The following PIEZO2 variants were observed in gnomAD, a reference collection of about 807,000 sequenced individuals.
The protein encoded by PIEZO2 is piezo-type mechanosensitive ion channel component 2.
In PIEZO2, 172 loss-of-function variants were observed where a neutral mutation model predicts 337.3. That is an observed-to-expected ratio of 0.51 (90% CI 0.45 to 0.58). The LOEUF (loss-of-function observed/expected upper bound fraction) is 0.58. PIEZO2 is among the 20% of genes least tolerant of loss of function. The pLI is 0.00. For synonymous variants in PIEZO2, 1,251 were observed against 1,228.5 expected, an observed-to-expected ratio of 1.02 and a Z score of -0.38; for missense variants, 3,028 against 3,391.3, an observed-to-expected ratio of 0.89 and a Z score of 2.66.
At chr18:10,948,874 T>A (rs964442293) in intron 3 of PIEZO2, among the ~76,000 whole-genome samples, 8 of 152,206 alleles carry the variant, frequency 5.3e-5, no homozygotes, top group African/African-American at 1.7e-4. Context: ...TATAGATACA[T>A]ACAGATGCAT....
At chr18:11,041,357 AAAC>A (rs1398214253) in intron 2 of PIEZO2, among the ~76,000 whole-genome samples, 1 of 152,232 alleles carries the variant, frequency 6.6e-6, no homozygotes, top group Non-Finnish European at 1.5e-5. Flanking sequence ...AAGAGAAATT[AAAC>A]ACCGAGCTCA....
chr18:10,915,942 TG>T (rs2030910004), intron 3 of PIEZO2, among the ~76,000 whole-genome samples: 1 of 1,248 alleles, frequency 8.0e-4, no homozygotes, highest in African/African-American at 5.2e-3. Context: ...GAGTGCTGAT[TG>T]GTGCATTTAC....
At chr18:11,037,096 C>G (rs1048390401) in intron 2 of PIEZO2, among the ~76,000 whole-genome samples, 1 of 152,182 alleles carries the variant, frequency 6.6e-6, no homozygotes, top group Non-Finnish European at 1.5e-5. Context: ...TCCTGAGTAG[C>G]TGGGATTACA....
chr18:10,793,091 T>TAA (rs201114877), intron 13 of PIEZO2, among the ~76,000 whole-genome samples: 3 of 151,720 alleles, frequency 2.0e-5, no homozygotes, highest in Admixed American at 6.6e-5. Context: ...CCGTCTCTGC[T>TAA]AAAAAAAATA....
rs181018999 is a variant in PIEZO2, at chr18:10,725,365, C to A, written c.5029+6042G>T. The A allele has an allele frequency of 2.5e-3, 3,970 of 1,605,596 alleles. 24 individuals carry two copies. Among genetic ancestry groups the A allele is most frequent in the Non-Finnish European group, 2.5e-3 (2,953 of 1,174,122 alleles). On this transcript the variant is annotated intron_variant, in intron 36 of 55. Coordinates refer to ENST00000674853, the MANE Select transcript of PIEZO2 (RefSeq NM_001378183.1). The stretch of plus-strand genomic sequence containing the variant: ...CTGAGTGAAGACCTGCTGTCCCAGG[C>A]GGTGATGATGGTGGAGAACAGCCGG...
Position 10,801,555 on chromosome 18 carries a change from T to C in PIEZO2, c.1201-127A>G, listed in dbSNP as rs2039816230. On this transcript the variant is annotated intron_variant, in intron 9 of 55. Transcript: ENST00000674853. ...AACTTGCTGATTGCTAGTATATTAA[T>C]ATTGCCATGCAAAATATAAAAGGAC... The C allele has an allele frequency of 5.1e-6, 4 of 784,956 alleles. No individual in the cohort carries two copies. In the Admixed American group the frequency reaches 7.9e-5, roughly 15 times the overall value. 48.6% of individuals were successfully genotyped at this position (784,956 alleles called of 1,614,324 possible).
Position 10,748,493 on chromosome 18 carries a change from CT to C in PIEZO2, c.4401del (p.Ala1468LeufsTer18), listed in dbSNP as rs1307911663. The C allele has an allele frequency of 6.5e-7, 1 of 1,537,002 alleles. No homozygotes were observed. Among genetic ancestry groups the C allele is most frequent in the South Asian group, 1.2e-5 (1 of 83,986 alleles). ...YYFLHVVADI[K>X]ASQILASRGA... is the part of the protein sequence containing the mutation. ...CACCTTGATGCCAGAATCTGGGAAG[CT>C]TTTATATCAGCCACAACATGTAGAA... is the stretch of plus-strand genomic sequence containing the variant. On this transcript the variant is annotated frameshift_variant, in exon 30 of 56. Coordinates refer to ENST00000674853, the MANE Select transcript of PIEZO2 (RefSeq NM_001378183.1). LOFTEE classifies it high-confidence loss of function. The surrounding 1 kb of genome is among the most constrained non-coding windows in gnomAD (Gnocchi z 5.1).
At chr18:11,053,158 A>C (rs2037591040) in intron 2 of PIEZO2, among the ~76,000 whole-genome samples, 2 of 152,168 alleles carry the variant, frequency 1.3e-5, no homozygotes, top group Admixed American at 6.5e-5. Context: ...TAAATTAATA[A>C]ATTCATGTAA....
At chr18:10,914,532 G>C (rs1261862655) in intron 3 of PIEZO2, among the ~76,000 whole-genome samples, 1 of 152,054 alleles carries the variant, frequency 6.6e-6, no homozygotes, top group Non-Finnish European at 1.5e-5. Flanking sequence ...TATGTAAATA[G>C]TTGTTATATT....
At position 10,713,844 on chromosome 18, in the gene PIEZO2, A is replaced by AT. The variant is rs1204294650; in HGVS notation, c.5423+919dup. Among the ~76,000 whole-genome samples the AT allele has an allele frequency of 6.6e-6, 1 of 152,168 alleles. No homozygotes were observed. The highest frequency in any genetic ancestry group is 1.5e-5 in the Non-Finnish European group (1 of 68,034). On this transcript the variant is annotated intron_variant, in intron 39 of 55. Transcript: ENST00000674853. This position sits in a 1 kb window ranked among gnomAD's most constrained non-coding sequence, Gnocchi z 4.5. ...TCTAGCGCTTCACCCTAACAAGGCG[A>AT]TTTTTCCTCCTAAGACAGGGACTTC...
At chr18:10,826,800 C>T (rs553940848) in intron 7 of PIEZO2, among the ~76,000 whole-genome samples, 20 of 152,202 alleles carry the variant, frequency 1.3e-4, no homozygotes, top group Non-Finnish European at 2.5e-4. Context: ...TTCACCACTA[C>T]GGTACCATAC....
rs147478074 is a variant in PIEZO2, at chr18:11,100,817, G to A, written c.65-34595C>T. ...TCACCGTGTTAGCCAGGATGGTCTC[G>A]ATCTCCTGACCTCGTGATCCGCCCA... is the stretch of plus-strand genomic sequence containing the variant. On this transcript the variant is annotated intron_variant, in intron 1 of 55. Coordinates refer to ENST00000674853, the MANE Select transcript of PIEZO2 (RefSeq NM_001378183.1). Among the ~76,000 whole-genome samples, 1,247 of 152,210 alleles carry A rather than the reference G, an allele frequency of 8.2e-3. 21 individuals carry two copies. The highest frequency in any genetic ancestry group is 0.028 in the African/African-American group (1,157 of 41,514).
intron 7 of PIEZO2, among the ~76,000 whole-genome samples, chr18:10,844,867 C>T (rs112377749): frequency 2.0e-5 from 3 of 151,554 alleles, no homozygotes; most frequent in Admixed American, 6.6e-5. Context: ...TCAGCAAGTG[C>T]TTCATACAAA....
At chr18:10,701,917 C>G in intron 43 of PIEZO2, 72 bp downstream of exon 43, 2 of 1,330,722 alleles carry the variant, frequency 1.5e-6, no homozygotes, top group Non-Finnish European at 2.0e-6. Flanking sequence ...TCCAGGTTAT[C>G]TAGGAAGATT....
At chr18:10,937,299 T>C (rs1195267227) in intron 3 of PIEZO2, among the ~76,000 whole-genome samples, 1 of 152,206 alleles carries the variant, frequency 6.6e-6, no homozygotes, top group African/African-American at 2.4e-5. Flanking sequence ...CATGAAATCT[T>C]CTTGGTTTTG....
chr18:10,674,788 G>A (rs1432523268), intron 54 of PIEZO2, among the ~76,000 whole-genome samples: 2 of 152,134 alleles, frequency 1.3e-5, no homozygotes, highest in Non-Finnish European at 2.9e-5. Flanking sequence ...AATCACTAAA[G>A]TGCCTCTAGT....
At chr18:10,715,125 TGTC>T (rs1305497569) in intron 38 of PIEZO2, among the ~76,000 whole-genome samples, 195 bp from the exon 39 acceptor site, 1 of 152,240 alleles carries the variant, frequency 6.6e-6, no homozygotes, top group African/African-American at 2.4e-5. Flanking sequence ...TCTAAGTAAA[TGTC>T]TTCTTATAGG....
In PIEZO2 at chr18:10,815,201, C is replaced by T. The variant is rs1453669444; in HGVS notation, c.918-7927G>A. Among the ~76,000 whole-genome samples, 2 of 152,100 alleles carry T rather than the reference C, an allele frequency of 1.3e-5. No individual in the cohort carries two copies. Among genetic ancestry groups the T allele is most frequent in the African/African-American group, 4.8e-5 (2 of 41,406 alleles). ...TTAAAAACAATGAAAATTCAAGTGGCACATATTCTACTTAGTATTTTAAAG... is the reference window on the plus strand; with the variant it reads ...TTAAAAACAATGAAAATTCAAGTGGTACATATTCTACTTAGTATTTTAAAG... On this transcript the variant is annotated intron_variant, in intron 7 of 55. Transcript: ENST00000674853. The surrounding 1 kb of genome is among the most constrained non-coding windows in gnomAD (Gnocchi z 4.1).
Position 11,127,327 on chromosome 18 carries a change from G to C in PIEZO2, c.64+21198C>G, listed in dbSNP as rs1268027839. On this transcript the variant is annotated intron_variant, in intron 1 of 55. Transcript: ENST00000674853. The surrounding 1 kb of genome is among the most constrained non-coding windows in gnomAD (Gnocchi z 4.5). ...ATCTGAATGTGATGGTTAATACTGA[G>C]TGTGAACTTGATTGGATTGAAGGAT... Among the ~76,000 whole-genome samples the C allele has an allele frequency of 6.6e-6, 1 of 152,222 alleles. No individual in the cohort carries two copies. Among genetic ancestry groups the C allele is most frequent in the African/African-American group, 2.4e-5 (1 of 41,458 alleles).
Sources: gnomAD v4.1 joint callset for allele counts (sites outside exome capture counted in the v4.1 genomes callset) on GRCh38, gnomAD v4.1.1 for gene constraint, Gnocchi (gnomAD v3.1) non-coding constraint, MANE v1.5 for transcripts, NCBI Gene and HGNC (gene_info 2026-07-23, HGNC 2026-07-21) for gene names.